Variants in ARL15 observed in about 807,000 individuals in gnomAD.
ARL15 encodes ADP-ribosylation factor-like protein 15.
Under a neutral mutation model 25.2 loss-of-function variants are expected in ARL15, and 19 were observed. The ratio of observed to expected loss-of-function variants is 0.75; its 90% CI spans 0.53 to 1.10. The LOEUF (loss-of-function observed/expected upper bound fraction) is 1.10, where lower values mean the gene tolerates loss of function less well. Ranked by LOEUF, ARL15 falls within the 50% of genes least tolerant of loss-of-function variation. The pLI, the probability that ARL15 is intolerant of heterozygous loss-of-function variation, is 0.00. For missense variants in ARL15, 220 were observed against 246.0 expected, an observed-to-expected ratio of 0.89 and a Z score of 0.71; for synonymous variants, 94 against 86.8, an observed-to-expected ratio of 1.08 and a Z score of -0.46.
intron 4 of ARL15, among the ~76,000 whole-genome samples, chr5:54,083,247 G>C (rs1487877437): frequency 6.6e-6 from 1 of 152,152 alleles, no homozygotes; most frequent in Admixed American, 6.5e-5. Context: ...AAAGAGAAAA[G>C]CTCATATATT....
chr5:54,007,593 G>A (rs1041778174), intron 4 of ARL15, among the ~76,000 whole-genome samples: 1 of 152,106 alleles, frequency 6.6e-6, no homozygotes, highest in African/African-American at 2.4e-5. Flanking sequence ...GACTACATGA[G>A]CTCAGGAGTT....
chr5:54,119,679 C>G (rs143873149), intron 3 of ARL15, among the ~76,000 whole-genome samples: 4 of 152,268 alleles, frequency 2.6e-5, no homozygotes, highest in African/African-American at 7.2e-5. Flanking sequence ...TCCTTAGATA[C>G]TCCACAAATG....
At chr5:54,220,670 C>G (rs1219427153) in intron 1 of ARL15, among the ~76,000 whole-genome samples, 4 of 152,128 alleles carry the variant, frequency 2.6e-5, no homozygotes, top group Non-Finnish European at 4.4e-5. Context: ...CATGCTAGTT[C>G]CACTTTCCTA....
chr5:53,932,277 T>C (rs1456203910), intron 4 of ARL15, among the ~76,000 whole-genome samples: 1 of 152,136 alleles, frequency 6.6e-6, no homozygotes, highest in Admixed American at 6.5e-5. Context: ...TTGGGGAAGG[T>C]GAGAGAAGGC....
At chr5:54,226,872 G>T (rs1756533979) in intron 1 of ARL15, among the ~76,000 whole-genome samples, 1 of 152,154 alleles carries the variant, frequency 6.6e-6, no homozygotes, top group Non-Finnish European at 1.5e-5. Context: ...CCCAGTGGGA[G>T]ATAACTGAAT....
intron 4 of ARL15, among the ~76,000 whole-genome samples, chr5:53,948,590 C>A (rs1016544738): frequency 6.6e-6 from 1 of 152,152 alleles, no homozygotes; most frequent in Non-Finnish European, 1.5e-5. Flanking sequence ...GAGCCTTTAT[C>A]TAACAAATTT....
At chr5:54,197,321 G>T (rs1210465754) in intron 1 of ARL15, among the ~76,000 whole-genome samples, 1 of 152,072 alleles carries the variant, frequency 6.6e-6, no homozygotes, top group Non-Finnish European at 1.5e-5. Context: ...TTAAATGACT[G>T]CTCTTTTAAC....
At chr5:54,051,400 C>T (rs999621420) in intron 4 of ARL15, among the ~76,000 whole-genome samples, 1 of 152,192 alleles carries the variant, frequency 6.6e-6, no homozygotes, top group Non-Finnish European at 1.5e-5. Flanking sequence ...GAAACTTTTT[C>T]TTCCTGTTCC....
intron 4 of ARL15, among the ~76,000 whole-genome samples, chr5:54,064,206 T>A (rs1561208884): frequency 6.6e-6 from 1 of 151,948 alleles, no homozygotes; most frequent in Non-Finnish European, 1.5e-5. Context: ...ACTGGGCAAG[T>A]AAAAAAAGAG....
rs139699881 is a variant in ARL15, at chr5:53,904,146, T to A, written c.463-17433A>T. Among the ~76,000 whole-genome samples the A allele has an allele frequency of 5.9e-3, 897 of 152,336 alleles. 3 individuals are homozygous for A. The highest frequency in any genetic ancestry group is 0.031 in the Middle Eastern group (9 of 294). On this transcript the variant is annotated intron_variant, in intron 4 of 4. Coordinates refer to ENST00000504924, the MANE Select transcript of ARL15 (RefSeq NM_019087.3). Reference sequence around the variant, plus strand: ...CATAGAGCTATGATAAAAGCTCTACTGATTAGTCTCCACCTAATCACCTTG... The same window carrying A: ...CATAGAGCTATGATAAAAGCTCTACAGATTAGTCTCCACCTAATCACCTTG...
intron 4 of ARL15, among the ~76,000 whole-genome samples, chr5:53,935,990 C>CCTGAGG (rs1746337622): frequency 6.6e-6 from 1 of 152,128 alleles, no homozygotes; most frequent in South Asian, 2.1e-4. Context: ...CTCAGGTGAT[C>CCTGAGG]CACCTGCCTC....
chr5:54,016,683 C>T (rs1463764737), intron 4 of ARL15, among the ~76,000 whole-genome samples: 1 of 152,128 alleles, frequency 6.6e-6, no homozygotes, highest in Non-Finnish European at 1.5e-5. Flanking sequence ...AGAAGCTCAT[C>T]ACAGCATGCT....
chr5:53,963,395 C>T (rs149533959), intron 4 of ARL15, among the ~76,000 whole-genome samples: 11 of 152,292 alleles, frequency 7.2e-5, no homozygotes, highest in East Asian at 3.9e-4. Flanking sequence ...CACAGAAACT[C>T]ATAGGGTCTT....
intron 1 of ARL15, among the ~76,000 whole-genome samples, chr5:54,204,491 A>G (rs1368664263): frequency 2.0e-5 from 3 of 152,186 alleles, no homozygotes; most frequent in African/African-American, 7.2e-5. Context: ...ATCTGTACCT[A>G]TATTGCCTAA....
At chr5:54,204,504 A>C (rs1755811016) in intron 1 of ARL15, among the ~76,000 whole-genome samples, 1 of 152,216 alleles carries the variant, frequency 6.6e-6, no homozygotes, top group South Asian at 2.1e-4. Flanking sequence ...TTGCCTAAAT[A>C]TGAATCTCCA....
chr5:53,918,206 G>T (rs1240259206), intron 4 of ARL15, among the ~76,000 whole-genome samples: 1 of 151,906 alleles, frequency 6.6e-6, no homozygotes, highest in Non-Finnish European at 1.5e-5. Context: ...TATTTATTTA[G>T]ACAGGGTCTC....
At chr5:54,041,294 C>G (rs1029913623) in intron 4 of ARL15, among the ~76,000 whole-genome samples, 9 of 152,082 alleles carry the variant, frequency 5.9e-5, no homozygotes, top group African/African-American at 2.2e-4. Context: ...AATTTTTTTC[C>G]AAAGGCTGTT....
At chr5:54,079,694 G>T (rs1579775505) in intron 4 of ARL15, among the ~76,000 whole-genome samples, 1 of 152,084 alleles carries the variant, frequency 6.6e-6, no homozygotes, top group African/African-American at 2.4e-5. Context: ...TTAAGGCCAG[G>T]CATGGTGGCT....
rs186750102 is a variant in ARL15 at position 53,908,485 on chromosome 5, A to G, written c.463-21772T>C. Among the ~76,000 whole-genome samples the G allele has an allele frequency of 1.1e-3, 173 of 152,330 alleles. 1 individual carries two copies. Among genetic ancestry groups the G allele is most frequent in the Admixed American group, 2.9e-3 (44 of 15,294 alleles). On this transcript the variant is annotated intron_variant, in intron 4 of 4. Transcript: ENST00000504924. ...AATTTAAATATATAGGAGGATATGC[A>G]TAGGTAATATGCAAATACTACACCA...
Sources: allele counts gnomAD v4.1 joint callset (sites outside exome capture counted in the v4.1 genomes callset), GRCh38; gene constraint gnomAD v4.1.1; transcripts MANE v1.5; gene names NCBI Gene and HGNC (gene_info 2026-07-23, HGNC 2026-07-21).